Variants in EPB41L5 observed in about 807,000 individuals in gnomAD.
EPB41L5 encodes band 4.1-like protein 5.
In EPB41L5, 55 loss-of-function variants were observed where a neutral mutation model predicts 106.6. The ratio of observed to expected loss-of-function variants is 0.52; its 90% confidence interval spans 0.42 to 0.65. The LOEUF (loss-of-function observed/expected upper bound fraction) is 0.65. EPB41L5 is among the 30% of genes least tolerant of loss of function. The pLI is 0.00. For synonymous variants in EPB41L5, 297 were observed against 306.7 expected, an observed-to-expected ratio of 0.97 and a Z score of 0.33; for missense variants, 871 against 882.1, an observed-to-expected ratio of 0.99 and a Z score of 0.16.
At chr2:120,108,431 A>G (rs2105420851) in intron 16 of EPB41L5, 1 of 152,306 alleles carries the variant, frequency 6.6e-6, no homozygotes, top group Non-Finnish European at 1.5e-5. Flanking sequence ...TATGATTAAG[A>G]TTTGTAAGAA....
chr2:120,087,711 AC>A (rs918081114), intron 11 of EPB41L5, among the ~76,000 whole-genome samples: 22 of 152,018 alleles, frequency 1.4e-4, no homozygotes, highest in African/African-American at 4.8e-4. Flanking sequence ...TTGCTCTCAA[AC>A]TCTTGGCCTT....
intron 16 of EPB41L5, among the ~76,000 whole-genome samples, chr2:120,102,078 G>A (rs1684175285): frequency 6.6e-6 from 1 of 152,152 alleles, no homozygotes; most frequent in South Asian, 2.1e-4. Context: ...ACCAAGTTCT[G>A]TTTGCAAGGA....
At chr2:120,037,952 G>GA (rs1387931862) in intron 2 of EPB41L5, among the ~76,000 whole-genome samples, 2 of 152,040 alleles carry the variant, frequency 1.3e-5, no homozygotes, top group South Asian at 2.1e-4. Context: ...AGAAAACAGG[G>GA]AAAAAATCTT....
At chr2:120,047,969 A>ATTT (rs1679925234) in intron 3 of EPB41L5, among the ~76,000 whole-genome samples, 1 of 152,092 alleles carries the variant, frequency 6.6e-6, no homozygotes, top group Non-Finnish European at 1.5e-5. Context: ...ACGTTTATTG[A>ATTT]TTGGCATATG....
intron 19 of EPB41L5, 76 bp from the exon 20 acceptor site, chr2:120,146,149 A>G: frequency 1.1e-6 from 1 of 892,992 alleles, no homozygotes; most frequent in Non-Finnish European, 1.8e-6. Context: ...TGTTGTTACC[A>G]GAAAGAAATG....
chr2:120,014,606 A>T (rs559044665), intron 1 of EPB41L5, among the ~76,000 whole-genome samples: 1 of 152,364 alleles, frequency 6.6e-6, no homozygotes, highest in Admixed American at 6.5e-5. Flanking sequence ...CTTTTCTGAG[A>T]ATAAGACATT....
chr2:120,077,337 CT>C, intron 9 of EPB41L5, 21 bp downstream of exon 9: 2 of 1,587,474 alleles, frequency 1.3e-6, no homozygotes, highest in Non-Finnish European at 1.7e-6. Context: ...TGTTGTGATG[CT>C]TTTTTAAAAA....
chr2:120,066,161 T>A (rs1681429903), intron 3 of EPB41L5, among the ~76,000 whole-genome samples: 1 of 152,102 alleles, frequency 6.6e-6, no homozygotes, highest in Non-Finnish European at 1.5e-5. Flanking sequence ...TTGAATATAT[T>A]ACCTATATAA....
intron 3 of EPB41L5, among the ~76,000 whole-genome samples, chr2:120,071,885 TA>T (rs1681894498): frequency 6.6e-6 from 1 of 151,946 alleles, no homozygotes; most frequent in Non-Finnish European, 1.5e-5. Context: ...AACTTCAAAC[TA>T]AAACACCAAA....
At chr2:120,131,578 G>A in intron 17 of EPB41L5, 40 bp from the exon 18 acceptor site, 1 of 1,455,232 alleles carries the variant, frequency 6.9e-7, no homozygotes, top group Non-Finnish European at 9.6e-7. Flanking sequence ...GTGACAGCCT[G>A]GCAGACTGGG....
intron 2 of EPB41L5, among the ~76,000 whole-genome samples, chr2:120,024,053 T>C (rs1454278252): frequency 6.6e-6 from 1 of 152,198 alleles, no homozygotes; most frequent in Non-Finnish European, 1.5e-5. Flanking sequence ...GTTGAAGTTG[T>C]TTATCAGCTT....
chr2:120,164,094 T>TGCCTCA (rs1382330194), intron 21 of EPB41L5, among the ~76,000 whole-genome samples: 1 of 144,522 alleles, frequency 6.9e-6, no homozygotes, highest in Non-Finnish European at 1.5e-5. Context: ...GCCATTCTCC[T>TGCCTCA]GCCTCAGCCT....
intron 3 of EPB41L5, among the ~76,000 whole-genome samples, chr2:120,042,349 G>T (rs535536589): frequency 1.1e-4 from 17 of 152,218 alleles, no homozygotes; most frequent in African/African-American, 4.1e-4. Flanking sequence ...TTCAGGATGG[G>T]GCTCCAGAAT....
intron 18 of EPB41L5, 30 bp from the exon 19 acceptor site, chr2:120,142,973 T>C: frequency 6.3e-7 from 1 of 1,587,138 alleles, no homozygotes; most frequent in Non-Finnish European, 8.6e-7. Flanking sequence ...TGCATCAGAG[T>C]TGATTATAGT....
chr2:120,114,079 C>T (rs975674689), intron 16 of EPB41L5, among the ~76,000 whole-genome samples: 1 of 152,272 alleles, frequency 6.6e-6, no homozygotes, highest in South Asian at 2.1e-4. Context: ...AATTGTTTTT[C>T]AGAGTGGCCA....
chr2:120,102,818 T>G (rs1684227849), intron 16 of EPB41L5, among the ~76,000 whole-genome samples: 2 of 152,206 alleles, frequency 1.3e-5, no homozygotes, highest in South Asian at 4.1e-4. Context: ...TTTCACTTTT[T>G]GAGAAACAAT....
chr2:120,152,598 G>A (rs1163909107), intron 20 of EPB41L5, among the ~76,000 whole-genome samples: 1 of 152,138 alleles, frequency 6.6e-6, no homozygotes, highest in African/African-American at 2.4e-5. Flanking sequence ...TTTGGTGACA[G>A]GGCAATAGTG....
chr2:120,157,909 AAG>A (rs1686969994), intron 20 of EPB41L5, among the ~76,000 whole-genome samples: 1 of 152,154 alleles, frequency 6.6e-6, no homozygotes, highest in African/African-American at 2.4e-5. Flanking sequence ...AGAAACAACA[AAG>A]GGGATATTAC....
chr2:120,018,905 C>T (rs1003325383), intron 1 of EPB41L5, among the ~76,000 whole-genome samples, 172 bp from the exon 2 acceptor site: 19 of 152,104 alleles, frequency 1.2e-4, no homozygotes, highest in African/African-American at 4.3e-4. Flanking sequence ...CTAGGCCTCC[C>T]GAAGTGTTGA....
Sources: gnomAD v4.1 joint callset for allele counts (sites outside exome capture counted in the v4.1 genomes callset) on GRCh38, gnomAD v4.1.1 for gene constraint, MANE v1.5 for transcripts, NCBI Gene and HGNC (gene_info 2026-07-23, HGNC 2026-07-21) for gene names.